Variants in POM121 observed in about 807,000 individuals in gnomAD.
POM121 encodes the protein nuclear envelope pore membrane protein POM 121.
Under a neutral mutation model 81.3 loss-of-function variants are expected in POM121, and 32 were observed. The ratio of observed to expected loss-of-function variants is 0.39; its 90% CI spans 0.30 to 0.53. POM121 has a LOEUF of 0.53. Ranked by LOEUF, POM121 falls within the 20% of genes least tolerant of loss-of-function variation. The pLI is 0.66. For missense variants in POM121, 1,138 were observed against 1,614.6 expected (o/e 0.70, Z 5.06); for synonymous variants, 514 against 694.2 (o/e 0.74, Z 4.08).
At chr7:72,887,569 A>T (rs552867441) in intron 1 of POM121, among the ~76,000 whole-genome samples, 1 of 152,294 alleles carries the variant, frequency 6.6e-6, no homozygotes, top group Admixed American at 6.5e-5. Flanking sequence ...TATACCTGTA[A>T]TCACAGCAAC....
At chr7:72,895,659 C>T (rs375481733) in intron 3 of POM121, among the ~76,000 whole-genome samples, 1 of 152,152 alleles carries the variant, frequency 6.6e-6, no homozygotes, top group East Asian at 1.9e-4. Flanking sequence ...GTGGCTCACA[C>T]CTGTAATCCC....
At chr7:72,948,997 G>A (rs139171340), downstream of POM121, 40 of 1,610,778 alleles carry the variant, frequency 2.5e-5, 1 homozygote, top group African/African-American at 3.8e-4. Flanking sequence ...GGAAGGGAAA[G>A]TGAGCGCGTG....
intron 3 of POM121, among the ~76,000 whole-genome samples, chr7:72,902,483 T>C (rs1792780444): frequency 1.3e-5 from 2 of 151,846 alleles, no homozygotes; most frequent in South Asian, 4.2e-4. Flanking sequence ...ATTTCTATTT[T>C]TTTCCTTTTT....
intron 4 of POM121, among the ~76,000 whole-genome samples, chr7:72,917,644 C>G (rs1231562433): frequency 2.0e-5 from 3 of 152,204 alleles, no homozygotes; most frequent in Admixed American, 1.3e-4. Context: ...TCTCACAGTT[C>G]TAGAGGCCAG....
At chr7:72,920,873 C>T (rs1794757418), upstream of POM121, among the ~76,000 whole-genome samples, 1 of 151,966 alleles carries the variant, frequency 6.6e-6, no homozygotes, top group Non-Finnish European at 1.5e-5. Context: ...TGTGGTGGCC[C>T]CCATCTCTAC....
intron 4 of POM121, among the ~76,000 whole-genome samples, chr7:72,916,404 C>T (rs570031098): frequency 6.6e-6 from 1 of 152,176 alleles, no homozygotes; most frequent in Non-Finnish European, 1.5e-5. Context: ...CCAGTCTTCC[C>T]AGCACCATTA....
intron 1 of POM121, among the ~76,000 whole-genome samples, chr7:72,885,830 T>C (rs1554489956): frequency 1.3e-5 from 2 of 150,944 alleles, no homozygotes. Flanking sequence ...TTTAGTCTCA[T>C]CTTCTTTGTT....
chr7:72,881,817 G>A (rs551742187), intron 1 of POM121, among the ~76,000 whole-genome samples: 1 of 152,166 alleles, frequency 6.6e-6, no homozygotes, highest in Admixed American at 6.5e-5. Context: ...TTTTAGAAGA[G>A]ATGGGGTTTC....
At chr7:72,886,190 T>TA (rs1563130510) in intron 1 of POM121, among the ~76,000 whole-genome samples, 217 of 150,572 alleles carry the variant, frequency 1.4e-3, no homozygotes, top group African/African-American at 5.0e-3. Flanking sequence ...TTTATTTATT[T>TA]TGAGACAGAG....
At chr7:72,941,445 G>A (rs1386867106) in intron 10 of POM121, among the ~76,000 whole-genome samples, 5 of 148,414 alleles carry the variant, frequency 3.4e-5, no homozygotes, top group Non-Finnish European at 3.0e-5. Context: ...ACGGTAACCT[G>A]GGGTTCGTAC....
chr7:72,924,022 T>C (rs1216350080), upstream of POM121, among the ~76,000 whole-genome samples: 1 of 151,422 alleles, frequency 6.6e-6, no homozygotes, highest in Non-Finnish European at 1.5e-5. Context: ...CTCGGCTCAC[T>C]GCAACCTCCG....
In POM121 at chr7:72,925,710, G is replaced by A. The variant is rs782725251; in HGVS notation, c.589G>A (p.Val197Ile). 24 of 1,038,698 alleles carry A rather than the reference G, an allele frequency of 2.3e-5. No individual in the cohort carries two copies. In the South Asian group the frequency reaches 4.0e-4, roughly 17 times the overall value. The allele number at this position is 1,038,698 out of a possible 1,614,324, so 64.3% of individuals were successfully genotyped here. A position where few individuals can be genotyped will look rare whatever the true frequency, so the allele number is the denominator to read the frequency against. ...CCCGCCGACCCATCGCGCTCACCAC[G>A]TTTACCCCTCTCTGCCCACTCCTCT... is the stretch of plus-strand genomic sequence containing the variant. ...PSPPTHRAHH[V>I]YPSLPTPLLR... The change falls in exon 1 of 13, where the codon GTT becomes ATT. Residue 197 changes from valine (V) to isoleucine (I), a missense_variant. Coordinates refer to ENST00000434423, the MANE Select transcript of POM121 (RefSeq NM_001387691.1).
In POM121 at chr7:72,925,431, A is replaced by G. The variant is rs1305071700; in HGVS notation, c.310A>G (p.Thr104Ala). The G allele has an allele frequency of 6.5e-7, 1 of 1,533,698 alleles. No homozygotes were observed. Among genetic ancestry groups the G allele is most frequent in the Non-Finnish European group, 8.7e-7 (1 of 1,146,584 alleles). ...SFVRKARHRR[T>A]LFASPLAKST... ...CGTTCGGAAGGCGCGTCATCGGCGA[A>G]CACTGTTCGCTTCGCCTCTGGCCAA... The change falls in exon 1 of 13, where the codon ACA becomes GCA. Residue 104 changes from threonine (T) to alanine (A), a missense_variant. By Grantham distance (58) the Thr-to-Ala change is moderately conservative. This residue lies in a region of POM121 where 646 missense variants were observed against 633.5 expected (regional missense o/e 1.02). Coordinates refer to ENST00000434423, the MANE Select transcript of POM121 (RefSeq NM_001387691.1).
chr7:72,902,631 C>T (rs1323466486), intron 3 of POM121, among the ~76,000 whole-genome samples: 1 of 152,086 alleles, frequency 6.6e-6, no homozygotes, highest in Non-Finnish European at 1.5e-5. Flanking sequence ...CACACTCAGG[C>T]AATTCTCCCA....
At chr7:72,882,237 G>A (rs560169089) in intron 1 of POM121, among the ~76,000 whole-genome samples, 3 of 151,974 alleles carry the variant, frequency 2.0e-5, no homozygotes, top group African/African-American at 7.2e-5. Flanking sequence ...ATGGCTGAGG[G>A]GGCCTCAGGA....
At chr7:72,918,418 C>T (rs1437066326) in intron 4 of POM121, among the ~76,000 whole-genome samples, 2 of 152,212 alleles carry the variant, frequency 1.3e-5, no homozygotes, top group Non-Finnish European at 2.9e-5. Context: ...AAGGCTCACA[C>T]TCTTGTCTTC....
At chr7:72,949,402 G>C, downstream of POM121, 5 of 1,210,570 alleles carry the variant, frequency 4.1e-6, no homozygotes, top group Non-Finnish European at 4.9e-6. Flanking sequence ...GTCCTCCTCA[G>C]CCAGCTCACA....
At position 72,925,615 on chromosome 7, in the gene POM121, G is replaced by A; in HGVS notation, c.494G>A (p.Arg165His). ...GQDLRDRPGR[R>H]PPARPAPRSP... ...GACCTGCGGGATAGGCCTGGCCGCC[G>A]CCCACCTGCCCGCCCGGCGCCGCGC... Residue 165 changes from arginine to histidine, a missense_variant, in exon 1 of 13, where the codon CGC (arginine) becomes CAC (histidine). Arg to His is a conservative substitution (Grantham distance 29, BLOSUM62 0). Coordinates refer to ENST00000434423, the MANE Select transcript of POM121 (RefSeq NM_001387691.1). The A allele has an allele frequency of 2.2e-6, 3 of 1,337,364 alleles. No homozygotes were observed. The highest frequency in any genetic ancestry group is 1.9e-6 in the Non-Finnish European group (2 of 1,054,346). The allele number at this position is 1,337,364 out of a possible 1,614,324, so 82.8% of individuals were successfully genotyped here.
intron 4 of POM121, among the ~76,000 whole-genome samples, chr7:72,929,383 T>C (rs1795794094): frequency 6.6e-6 from 1 of 151,948 alleles, no homozygotes; most frequent in Non-Finnish European, 1.5e-5. Flanking sequence ...TAGGAGAGAG[T>C]TGTCTATATT....
Sources: gnomAD v4.1 joint callset for allele counts (sites outside exome capture counted in the v4.1 genomes callset) on GRCh38, gnomAD v4.1.1 for gene constraint, gnomAD v4.1.1 regional missense constraint, MANE v1.5 for transcripts, NCBI Gene and HGNC (gene_info 2026-07-23, HGNC 2026-07-21) for gene names.